Variants in PEAK1 observed in about 807,000 individuals in gnomAD.
PEAK1 encodes pseudopodium enriched atypical kinase 1, also known as inactive tyrosine-protein kinase PEAK1.
In PEAK1, 54 loss-of-function variants were observed where a neutral mutation model predicts 124.7. The ratio of observed to expected loss-of-function variants is 0.43; its 90% confidence interval spans 0.35 to 0.54. The LOEUF is 0.54. Among genes scored for constraint, PEAK1 ranks in the 20% least tolerant of loss-of-function variants. The pLI is 0.01. For missense variants in PEAK1, 2,046 were observed against 2,134.5 expected, an observed-to-expected ratio of 0.96 and a Z score of 0.82; for synonymous variants, 719 against 760.0, an observed-to-expected ratio of 0.95 and a Z score of 0.89.
chr15:77,218,674 C>G (rs553899878), intron 6 of PEAK1, among the ~76,000 whole-genome samples: 16 of 152,088 alleles, frequency 1.1e-4, no homozygotes, highest in Non-Finnish European at 2.1e-4. Context: ...CCTTGAACTT[C>G]TAAGCTCAAG....
At chr15:77,266,516 A>T (rs143681019) in intron 5 of PEAK1, among the ~76,000 whole-genome samples, 1 of 152,286 alleles carries the variant, frequency 6.6e-6, no homozygotes, top group East Asian at 1.9e-4. Flanking sequence ...GAGACCTGCC[A>T]AAACAGAAGA....
chr15:77,337,693 T>C, intron 2 of PEAK1: 2 of 985,316 alleles, frequency 2.0e-6, no homozygotes, highest in South Asian at 4.7e-5. Context: ...GAAAAGTCAT[T>C]TGTCAGTAAC....
chr15:77,345,367 T>C (rs2066812536), intron 2 of PEAK1, among the ~76,000 whole-genome samples: 1 of 152,204 alleles, frequency 6.6e-6, no homozygotes. Flanking sequence ...AAAACAAAAC[T>C]AATACCCCCA....
At chr15:77,393,130 A>G (rs2070615001) in intron 1 of PEAK1, among the ~76,000 whole-genome samples, 1 of 152,232 alleles carries the variant, frequency 6.6e-6, no homozygotes, top group Non-Finnish European at 1.5e-5. Context: ...CCTGAGTTCC[A>G]GAGAGCCTTG....
intron 1 of PEAK1, among the ~76,000 whole-genome samples, chr15:77,401,002 T>C (rs1326422609): frequency 1.3e-5 from 2 of 152,198 alleles, no homozygotes; most frequent in African/African-American, 2.4e-5. Context: ...ATCTTGTGTA[T>C]TGTTTATGTC....
intron 6 of PEAK1, among the ~76,000 whole-genome samples, chr15:77,184,962 T>C (rs188027263): frequency 6.6e-6 from 1 of 152,228 alleles, no homozygotes; most frequent in East Asian, 1.9e-4. Context: ...AACCTGACTT[T>C]AAAAAGACAG....
At chr15:77,345,728 TA>T in intron 2 of PEAK1, 1 of 228,234 alleles carries the variant, frequency 4.4e-6, no homozygotes, top group Non-Finnish European at 7.3e-6. Context: ...TCAAAATGGC[TA>T]AAATAATTTT....
Position 77,133,642 on chromosome 15 carries a change from G to C in PEAK1, c.3440C>G (p.Ala1147Gly). ...GGKTDQEAPN[A>G]SQPTPPPLPK... ...CAGTGGGGGTGGTGTAGGTTGGGAA[G>C]CATTGGGTGCTTCTTGGTCTGTTTT... The change falls in exon 9 of 10, where the codon GCT becomes GGT. Residue 1147 changes from alanine to glycine, a missense_variant. By Grantham distance (60) the Ala-to-Gly change is moderately conservative. Transcript: ENST00000682557. The surrounding 1 kb of genome is among the most constrained non-coding windows in gnomAD (Gnocchi z 4.2). The C allele has an allele frequency of 6.2e-7, 1 of 1,614,192 alleles. No homozygotes were observed. The highest frequency in any genetic ancestry group is 8.5e-7 in the Non-Finnish European group (1 of 1,180,032).
chr15:77,362,577 C>T (rs1042403826), intron 2 of PEAK1, among the ~76,000 whole-genome samples: 2 of 151,934 alleles, frequency 1.3e-5, no homozygotes, highest in Admixed American at 1.3e-4. Context: ...AAAAAGGTAC[C>T]GTCTTTTTAG....
chr15:77,392,796 C>T (rs549621100), intron 1 of PEAK1, among the ~76,000 whole-genome samples: 4 of 152,276 alleles, frequency 2.6e-5, no homozygotes, highest in South Asian at 2.1e-4. Flanking sequence ...CAACTATCCA[C>T]ACAAAAGAGC....
intron 2 of PEAK1, among the ~76,000 whole-genome samples, chr15:77,294,749 T>G (rs763841126): frequency 1.2e-4 from 18 of 152,298 alleles, no homozygotes; most frequent in Admixed American, 7.2e-4. Flanking sequence ...CTAGTATAGA[T>G]GCTGGACATT....
At chr15:77,385,372 T>G (rs1326212964) in intron 1 of PEAK1, among the ~76,000 whole-genome samples, 4 of 152,214 alleles carry the variant, frequency 2.6e-5, no homozygotes, top group African/African-American at 9.6e-5. Flanking sequence ...TGTTTCACTC[T>G]AAAGCCATTC....
chr15:77,160,506 T>C (rs573082284), intron 7 of PEAK1, among the ~76,000 whole-genome samples: 1 of 151,828 alleles, frequency 6.6e-6, no homozygotes, highest in African/African-American at 2.4e-5. Context: ...TGAAGCCCTG[T>C]CTCTACTAAA....
chr15:77,218,732 A>G (rs1653865092), intron 6 of PEAK1, among the ~76,000 whole-genome samples: 1 of 152,082 alleles, frequency 6.6e-6, no homozygotes, highest in Admixed American at 6.6e-5. Flanking sequence ...AATGGCACAC[A>G]CCACTGCACT....
At chr15:77,188,945 CA>C in intron 6 of PEAK1, among the ~76,000 whole-genome samples, 1 of 152,178 alleles carries the variant, frequency 6.6e-6, no homozygotes, top group African/African-American at 2.4e-5. Flanking sequence ...CCTGTAATCC[CA>C]ACACTACATT....
chr15:77,310,377 T>G (rs538692916), intron 2 of PEAK1, among the ~76,000 whole-genome samples: 1 of 152,334 alleles, frequency 6.6e-6, no homozygotes, highest in East Asian at 1.9e-4. Context: ...AGAACTTTTC[T>G]GAACAAAGTA....
At chr15:77,390,854 G>A (rs909270796) in intron 1 of PEAK1, among the ~76,000 whole-genome samples, 2 of 152,238 alleles carry the variant, frequency 1.3e-5, no homozygotes, top group East Asian at 1.9e-4. Flanking sequence ...TCTTAAACAG[G>A]ACAATAAACT....
intron 7 of PEAK1, among the ~76,000 whole-genome samples, chr15:77,163,910 G>A (rs560310894): frequency 3.3e-5 from 5 of 152,234 alleles, no homozygotes; most frequent in East Asian, 3.9e-4. Flanking sequence ...GAAACAAAAC[G>A]TCATCGTTTT....
rs976075713 is a variant in PEAK1 at position 77,110,187 on chromosome 15, G to GT, written c.*3968_*3969insA. On this transcript the variant is annotated 3_prime_UTR_variant, in exon 10 of 10. Coordinates refer to ENST00000682557, the MANE Select transcript of PEAK1 (RefSeq NM_001385026.1). The stretch of plus-strand genomic sequence containing the variant: ...GGCTCACTGCAACCTTTGCCTCCTG[G>GT]GTTCAAGAGATTCTCTTGCCTCAGC... 5 of 152,086 alleles carry GT rather than the reference G, an allele frequency of 3.3e-5. No individual in the cohort carries two copies. Among genetic ancestry groups the GT allele is most frequent in the Non-Finnish European group, 7.3e-5 (5 of 68,028 alleles). The allele number at this position is 152,086 out of a possible 1,614,324, so 9.4% of individuals were successfully genotyped here.
Sources: allele counts gnomAD v4.1 joint callset (sites outside exome capture counted in the v4.1 genomes callset), GRCh38; gene constraint gnomAD v4.1.1; non-coding constraint Gnocchi (gnomAD v3.1); transcripts MANE v1.5; gene names NCBI Gene and HGNC (gene_info 2026-07-23, HGNC 2026-07-21).